Variants in DLG2 observed in about 807,000 individuals in gnomAD.
DLG2 encodes the protein disks large homolog 2.
A neutral mutation model predicts 132.5 loss-of-function variants in DLG2; 45 were observed. That is an observed-to-expected ratio of 0.34 (90% CI 0.27 to 0.44). The LOEUF is 0.44. Ranked by LOEUF, DLG2 falls within the 20% of genes least tolerant of loss-of-function variation. The pLI is 1.00. For missense variants in DLG2, 1,045 were observed against 1,196.9 expected (o/e 0.87, Z 1.87); for synonymous variants, 424 against 419.6 (o/e 1.01, Z -0.13).
At chr11:85,203,094 G>C (rs2081590057) in intron 4 of DLG2, among the ~76,000 whole-genome samples, 1 of 150,784 alleles carries the variant, frequency 6.6e-6, no homozygotes, top group Non-Finnish European at 1.5e-5. Flanking sequence ...ATAGGTTTTG[G>C]TGTGGTGTTT....
intron 6 of DLG2, among the ~76,000 whole-genome samples, chr11:84,890,503 C>T (rs142462137): frequency 5.5e-4 from 84 of 152,240 alleles, no homozygotes; most frequent in African/African-American, 1.8e-3. Flanking sequence ...GTTCTCTCCC[C>T]GGAGGAGAAG....
intron 11 of DLG2, among the ~76,000 whole-genome samples, chr11:84,019,527 A>C (rs12274345): frequency 0.082 from 12,435 of 152,214 alleles, 589 homozygotes; most frequent in South Asian, 0.12. Context: ...TTGTGGGTTT[A>C]ATCTTGTTCT....
chr11:84,839,457 T>C (rs547983022), intron 6 of DLG2, among the ~76,000 whole-genome samples: 1 of 152,228 alleles, frequency 6.6e-6, no homozygotes, highest in South Asian at 2.1e-4. Context: ...CCCATCAAGC[T>C]ACCAATGACT....
intron 6 of DLG2, among the ~76,000 whole-genome samples, chr11:84,776,117 T>C (rs547264457): frequency 2.0e-5 from 3 of 152,190 alleles, no homozygotes; most frequent in South Asian, 2.1e-4. Flanking sequence ...TTTTTGTTTA[T>C]TGAGGTACAC....
chr11:84,322,458 T>C (rs1454561638), intron 7 of DLG2, among the ~76,000 whole-genome samples: 6 of 152,186 alleles, frequency 3.9e-5, no homozygotes, highest in African/African-American at 7.2e-5. Flanking sequence ...TCTCCCTTTA[T>C]AGCTAGATAG....
In DLG2 at chr11:83,692,150, G is replaced by A. The variant is rs7945520; in HGVS notation, c.1826-58825C>T. ...GCCTGTCATTTCAGTAAAGGAGCCT[G>A]TTATAAAGAAGTCAGTTTGTTGCCA... On this transcript the variant is annotated intron_variant, in intron 18 of 27. Coordinates refer to ENST00000376104, the MANE Select transcript of DLG2 (RefSeq NM_001142699.3). The A allele has an allele frequency of 6.2e-3, 950 of 152,284 alleles. 6 individuals are homozygous for A. Among genetic ancestry groups the A allele is most frequent in the African/African-American group, 0.022 (901 of 41,556 alleles). The allele number at this position is 152,284 out of a possible 1,614,324, so 9.4% of individuals were successfully genotyped here.
At chr11:84,944,640 T>C (rs1314841796) in intron 6 of DLG2, among the ~76,000 whole-genome samples, 2 of 150,020 alleles carry the variant, frequency 1.3e-5, no homozygotes, top group Non-Finnish European at 3.0e-5. Flanking sequence ...AGTCTCACTC[T>C]GTTGTCCAGG....
At chr11:84,109,322 A>C (rs1196741082) in intron 9 of DLG2, among the ~76,000 whole-genome samples, 2 of 152,126 alleles carry the variant, frequency 1.3e-5, no homozygotes, top group African/African-American at 2.4e-5. Context: ...TTTCTGAGTG[A>C]CAGACCTAGG....
chr11:84,531,329 TGATGGGTG>T (rs1191626449), intron 7 of DLG2, among the ~76,000 whole-genome samples: 1 of 151,808 alleles, frequency 6.6e-6, no homozygotes, highest in Non-Finnish European at 1.5e-5. Flanking sequence ...TACTTGAAAA[TGATGGGTG>T]GAAGGAGGGT....
chr11:84,468,149 C>T (rs556295186), intron 7 of DLG2, among the ~76,000 whole-genome samples: 1 of 151,644 alleles, frequency 6.6e-6, no homozygotes, highest in East Asian at 1.9e-4. Flanking sequence ...TGTTATTTTA[C>T]TCTTTTCATC....
At chr11:83,646,357 C>G (rs549462201) in intron 18 of DLG2, among the ~76,000 whole-genome samples, 8 of 126,220 alleles carry the variant, frequency 6.3e-5, no homozygotes, top group Admixed American at 1.5e-4. Flanking sequence ...AGATATGAAA[C>G]AGAGAGAGAG....
intron 3 of DLG2, among the ~76,000 whole-genome samples, chr11:85,394,194 T>C (rs1441058491): frequency 2.0e-5 from 3 of 152,220 alleles, no homozygotes; most frequent in Admixed American, 6.5e-5. Context: ...TACTTGAAGA[T>C]ATTTTAAAAC....
intron 6 of DLG2, among the ~76,000 whole-genome samples, chr11:84,653,482 G>A (rs925810749): frequency 2.0e-5 from 3 of 152,042 alleles, no homozygotes; most frequent in African/African-American, 7.2e-5. Flanking sequence ...CCATATTCCT[G>A]CCTCCAGTAA....
rs746968613 is a variant in DLG2, at chr11:83,508,403, ATTT to A, written c.2194-24178_2194-24176del. Among the ~76,000 whole-genome samples, 250 of 80,200 alleles carry A rather than the reference ATTT, an allele frequency of 3.1e-3. 5 individuals carry two copies. The highest frequency in any genetic ancestry group is 0.014 in the African/African-American group (228 of 15,892). 52.6% of individuals were successfully genotyped at this position (80,200 alleles called of 152,430 possible). On this transcript the variant is annotated intron_variant, in intron 21 of 27. Transcript: ENST00000376104. ...AGGTGCACACCACCACGCCTGGCTA[ATTT>A]TTTTTTTTTTTTTTTTTTTAGTAGA...
chr11:85,371,533 G>T lies in DLG2; in HGVS notation c.41-86168C>A, dbSNP rs191720461. Among the ~76,000 whole-genome samples the T allele has an allele frequency of 5.9e-4, 90 of 152,330 alleles. 1 individual carries two copies. The East Asian group carries it at 0.011, about 19-fold the overall frequency. On this transcript the variant is annotated intron_variant, in intron 3 of 27. Coordinates refer to ENST00000376104, the MANE Select transcript of DLG2 (RefSeq NM_001142699.3). ...CAACAGGACACAATTGGAGAAAGTA[G>T]TTATTTTACCAAGGCTTTGACTGGA...
At chr11:84,473,457 A>G (rs1469006789) in intron 7 of DLG2, among the ~76,000 whole-genome samples, 1 of 152,038 alleles carries the variant, frequency 6.6e-6, no homozygotes, top group Non-Finnish European at 1.5e-5. Context: ...ATCCTAACAG[A>G]GACTAAGTGT....
intron 3 of DLG2, among the ~76,000 whole-genome samples, chr11:85,518,412 A>C (rs158217): frequency 0.15 from 22,839 of 152,102 alleles, 2,133 homozygotes; most frequent in East Asian, 0.31. Flanking sequence ...AAGAGATTGG[A>C]AGCATTTGGC....
At chr11:84,605,663 C>T (rs1158028777) in intron 6 of DLG2, among the ~76,000 whole-genome samples, 4 of 151,220 alleles carry the variant, frequency 2.6e-5, no homozygotes, top group African/African-American at 9.7e-5. Context: ...TCTGTAATAC[C>T]ATGTAATCCT....
intron 9 of DLG2, among the ~76,000 whole-genome samples, chr11:84,117,868 T>C (rs1470325299): frequency 1.3e-5 from 2 of 152,142 alleles, no homozygotes; most frequent in Non-Finnish European, 2.9e-5. Flanking sequence ...TATTTATTTA[T>C]TTTTGAGACA....
Sources: allele counts gnomAD v4.1 joint callset (sites outside exome capture counted in the v4.1 genomes callset), GRCh38; gene constraint gnomAD v4.1.1; transcripts MANE v1.5; gene names NCBI Gene and HGNC (gene_info 2026-07-23, HGNC 2026-07-21).